C9orf78: variants seen among roughly 807,000 people sequenced by gnomAD.
C9orf78 encodes splicing factor C9orf78.
A neutral mutation model predicts 37.4 loss-of-function variants in C9orf78; 19 were observed. The observed-to-expected ratio is 0.51, with a 90% CI of 0.35 to 0.74. The LOEUF is 0.74. Among genes scored for constraint, C9orf78 ranks in the 30% least tolerant of loss-of-function variants. C9orf78 has a pLI of 0.01. For synonymous variants in C9orf78, 130 were observed against 128.0 expected (o/e 1.02, Z -0.10); for missense variants, 291 against 370.8 (o/e 0.78, Z 1.77).
intron 4 of C9orf78, among the ~76,000 whole-genome samples, chr9:129,832,997 ATGTG>A (rs759388385): frequency 7.9e-4 from 86 of 108,208 alleles, no homozygotes; most frequent in Non-Finnish European, 1.1e-3. Context: ...ATATATATAT[ATGTG>A]TGTGTGTGTG....
chr9:129,829,665 A>G, intron 6 of C9orf78, 124 bp from the exon 7 acceptor site: 1 of 784,230 alleles, frequency 1.3e-6, no homozygotes, highest in East Asian at 2.5e-5. Context: ...ACAGCTCTCC[A>G]CTTTATCAAG....
chr9:129,834,874 T>C, intron 1 of C9orf78, 108 bp from the exon 2 acceptor site: 1 of 882,124 alleles, frequency 1.1e-6, no homozygotes, highest in Non-Finnish European at 1.9e-6. Context: ...GCCCAGCTAC[T>C]GAGCCACCAG....
rs896900994 is a variant in C9orf78 at position 129,834,510 on chromosome 9, C to T, written c.143+197G>A. ...GATCTGTTTCTGTATCTCTGGAGCA[C>T]ACCCCGAGACGACACAGCTCAGGGC... On this transcript the variant is annotated intron_variant, in intron 2 of 8. Coordinates refer to ENST00000372447, the MANE Select transcript of C9orf78 (RefSeq NM_016520.3). 7.5e-6 allele frequency: 4 copies of T among 535,566 alleles called. No homozygotes were observed. The South Asian group carries it at 1.0e-4, about 14-fold the overall frequency. The allele number at this position is 535,566 out of a possible 1,614,324, so 33.2% of individuals were successfully genotyped here.
intron 2 of C9orf78, 127 bp downstream of exon 2, chr9:129,834,580 G>T: frequency 1.5e-6 from 1 of 685,838 alleles, no homozygotes; most frequent in Non-Finnish European, 2.6e-6. Context: ...CTCCAAGTTG[G>T]GCAGTGGAAG....
Position 129,831,937 on chromosome 9 carries a change from C to G in C9orf78, c.303G>C (p.Ser101=), listed in dbSNP as rs748451045. 1 of 1,592,874 alleles carries G rather than the reference C, an allele frequency of 6.3e-7. No individual in the cohort carries two copies. Among genetic ancestry groups the G allele is most frequent in the South Asian group, 1.1e-5 (1 of 90,654 alleles). The change falls in exon 5 of 9, where the codon TCG becomes TCC. Residue 101 remains serine (S), a synonymous_variant. Transcript: ENST00000372447. ...CCCTTCGGTTGGTTTCTGCAGAAAA[C>G]GATGTCCCCAGGTGCAGGTCCTCCT... ...SEEEDLHLGT[S]FSAETNRRDE...
intron 4 of C9orf78, among the ~76,000 whole-genome samples, chr9:129,832,997 A>G (rs36019669): frequency 0.075 from 8,123 of 108,092 alleles, 664 homozygotes; most frequent in African/African-American, 0.2. Context: ...ATATATATAT[A>G]TGTGTGTGTG....
Position 129,829,505 on chromosome 9 carries a change from G to A in C9orf78, c.579C>T (p.Ala193=). The A allele has an allele frequency of 6.2e-7, 1 of 1,613,924 alleles. No homozygotes were observed. The highest frequency in any genetic ancestry group is 8.5e-7 in the Non-Finnish European group (1 of 1,179,902). The part of the protein sequence containing the change: ...KIKNIISTED[A]KARLLAEQQN... ...GCTGCTCTGCCAGCAGACGGGCCTT[G>A]GCATCCTCCGTGGAAATGATATTTT... The change falls in exon 7 of 9, where the codon GCC becomes GCT. Residue 193 remains alanine, a synonymous_variant. Coordinates refer to ENST00000372447, the MANE Select transcript of C9orf78 (RefSeq NM_016520.3).
In C9orf78 at chr9:129,830,758, C is replaced by T. The variant is rs1370390369; in HGVS notation, c.542+113G>A. On this transcript the variant is annotated intron_variant, in intron 6 of 8. Coordinates refer to ENST00000372447, the MANE Select transcript of C9orf78 (RefSeq NM_016520.3). ...AACTCCTGACCTCGTGATCCACCCGCCTCAGCCTCCCAAAGTGCTAGGATT... is the reference window on the plus strand; with the variant it reads ...AACTCCTGACCTCGTGATCCACCCGTCTCAGCCTCCCAAAGTGCTAGGATT... The T allele has an allele frequency of 1.3e-5, 10 of 749,298 alleles. No individual in the cohort carries two copies. In the East Asian group the frequency reaches 1.9e-4, roughly 14 times the overall value. The allele number at this position is 749,298 out of a possible 1,614,324, so 46.4% of individuals were successfully genotyped here.
chr9:129,834,643 C>T (rs1291638237), intron 2 of C9orf78, 64 bp downstream of exon 2: 3 of 1,163,584 alleles, frequency 2.6e-6, no homozygotes, highest in Non-Finnish European at 3.9e-6. Flanking sequence ...TTTGTGACAG[C>T]GACCCGGACG....
chr9:129,828,117 A>G lies in C9orf78; in HGVS notation c.*44T>C. The G allele has an allele frequency of 8.7e-7, 1 of 1,147,916 alleles. No homozygotes were observed. The allele number at this position is 1,147,916 out of a possible 1,614,324, so 71.1% of individuals were successfully genotyped here. A position where few individuals can be genotyped will look rare whatever the true frequency, so the allele number is the denominator to read the frequency against. Reference sequence around the variant, plus strand: ...CAGGAAGCCATTTTTCATGGGAGGGATATAGGGAGAGGAAGGCGATATTTA... The same window carrying G: ...CAGGAAGCCATTTTTCATGGGAGGGGTATAGGGAGAGGAAGGCGATATTTA... On this transcript the variant is annotated 3_prime_UTR_variant, in exon 9 of 9. Transcript: ENST00000372447.
At chr9:129,829,562 C>T (rs2031438136) in intron 6 of C9orf78, 21 bp from the exon 7 acceptor site, 5 of 1,609,184 alleles carry the variant, frequency 3.1e-6, no homozygotes, top group South Asian at 2.2e-5. Context: ...AAAGAAACCA[C>T]ACCACTTAGA....
chr9:129,833,681 C>A lies in C9orf78; in HGVS notation c.172G>T (p.Val58Leu). The A allele has an allele frequency of 6.2e-7, 1 of 1,612,266 alleles. No homozygotes were observed. The highest frequency in any genetic ancestry group is 8.5e-7 in the Non-Finnish European group (1 of 1,178,834). Reference sequence around the variant, plus strand: ...ACCACTAGAGTGGTCTCCTCTTGTACCTTCTCTCCCACCAGCAAGGCCACA... The same window carrying A: ...ACCACTAGAGTGGTCTCCTCTTGTAACTTCTCTCCCACCAGCAAGGCCACA... ...SAVALLVGEK[V>L]QEETTLVDDP... is the part of the protein sequence containing the mutation. Residue 58 changes from valine (V) to leucine (L), a missense_variant, in exon 3 of 9, where the codon GTA becomes TTA. By Grantham distance (32) the Val-to-Leu change is conservative. This residue lies in a region of C9orf78 where 158 missense variants were observed against 174.8 expected (regional missense o/e 0.90). Transcript: ENST00000372447.
chr9:129,830,811 G>A (rs2031474432), intron 6 of C9orf78, 60 bp downstream of exon 6: 1 of 1,224,868 alleles, frequency 8.2e-7, no homozygotes, highest in Non-Finnish European at 1.2e-6. Context: ...TGCCTGGCCT[G>A]TCCCCCATAA....
In C9orf78 at chr9:129,835,252, C is replaced by G. The variant is rs747158880; in HGVS notation, c.-31G>C. Reference sequence around the variant, plus strand: ...CAACGGCCGAGTTGTACAGCCGCCGCGCCTCTGCGCAGCGGCCCAGGCTGC... The same window carrying G: ...CAACGGCCGAGTTGTACAGCCGCCGGGCCTCTGCGCAGCGGCCCAGGCTGC... On this transcript the variant is annotated 5_prime_UTR_variant, in exon 1 of 9. Transcript: ENST00000372447. 4 of 1,541,464 alleles carry G rather than the reference C, an allele frequency of 2.6e-6. No homozygotes were observed. The African/African-American group carries it at 4.2e-5, about 16-fold the overall frequency.
At chr9:129,830,720 CG>C in intron 6 of C9orf78, 150 bp downstream of exon 6, 2 of 630,120 alleles carry the variant, frequency 3.2e-6, no homozygotes, top group South Asian at 1.8e-5. Flanking sequence ...CCATCTTGGC[CG>C]GGCTGGTCTT....
intron 4 of C9orf78, among the ~76,000 whole-genome samples, chr9:129,833,067 A>ATGTG (rs3054828): frequency 0.01 from 1,457 of 139,932 alleles, 14 homozygotes; most frequent in Non-Finnish European, 0.017. Flanking sequence ...GTGTGTACAT[A>ATGTG]TGTGTGTGTG....
intron 5 of C9orf78, 190 bp downstream of exon 5, chr9:129,831,706 G>A (rs1262613485): frequency 1.4e-5 from 8 of 555,598 alleles, no homozygotes; most frequent in African/African-American, 9.5e-5. Context: ...CTACAGGTGA[G>A]AGCTACCGTG....
rs2031390510 is a variant in C9orf78 at position 129,828,122 on chromosome 9, G to A, written c.*39C>T. 8.3e-7 allele frequency: 1 copy of A among 1,201,128 alleles called. No individual in the cohort carries two copies. The allele number at this position is 1,201,128 out of a possible 1,614,324, so 74.4% of individuals were successfully genotyped here. ...AGCCATTTTTCATGGGAGGGATATA[G>A]GGAGAGGAAGGCGATATTTACATCC... On this transcript the variant is annotated 3_prime_UTR_variant, in exon 9 of 9. Transcript: ENST00000372447.
intron 6 of C9orf78, chr9:129,830,511 A>C (rs770219704): frequency 1.9e-4 from 52 of 275,862 alleles, no homozygotes; most frequent in African/African-American, 6.2e-4. Context: ...GTCCCCCATA[A>C]ATTTTTTTTT....
Sources: allele counts gnomAD v4.1 joint callset (sites outside exome capture counted in the v4.1 genomes callset), GRCh38; gene constraint gnomAD v4.1.1; regional missense constraint gnomAD v4.1.1; transcripts MANE v1.5; gene names NCBI Gene and HGNC (gene_info 2026-07-23, HGNC 2026-07-21).